The following MTDH variants were observed in gnomAD, a reference collection of about 807,000 sequenced individuals.
MTDH encodes the protein protein LYRIC.
MTDH carries 34 observed loss-of-function variants against 72.7 expected under a neutral mutation model. The observed-to-expected ratio is 0.47, with a 90% CI of 0.36 to 0.62. The LOEUF is 0.62. Ranked by LOEUF, MTDH falls within the 20% of genes least tolerant of loss-of-function variation. The probability of loss-of-function intolerance (pLI) is 0.00; values close to 1 mark genes in which losing one functional copy is unlikely to be tolerated. For missense variants in MTDH, 677 were observed against 699.4 expected, an observed-to-expected ratio of 0.97 and a Z score of 0.36; for synonymous variants, 266 against 268.9, an observed-to-expected ratio of 0.99 and a Z score of 0.10.
chr8:97,705,773 A>T (rs1358722674), intron 7 of MTDH, among the ~76,000 whole-genome samples: 1 of 152,228 alleles, frequency 6.6e-6, no homozygotes, highest in Non-Finnish European at 1.5e-5. Flanking sequence ...CTATAAGTAG[A>T]TTTACAGGAA....
Position 97,727,567 on chromosome 8 carries a change from G to C in MTDH, c.*2897G>C, listed in dbSNP as rs947226838. ...TCAACTCAGAAAGCACTAAAATCTA[G>C]GTGGTGATTCAGGGAGGAGCAGGGG... is the stretch of plus-strand genomic sequence containing the variant. On this transcript the variant is annotated 3_prime_UTR_variant, in exon 12 of 12. Coordinates refer to ENST00000336273, the MANE Select transcript of MTDH (RefSeq NM_178812.4). The C allele has an allele frequency of 2.6e-5, 4 of 151,898 alleles. No individual in the cohort carries two copies. The highest frequency in any genetic ancestry group is 3.4e-3 in the Middle Eastern group (1 of 292). 9.4% of individuals were successfully genotyped at this position (151,898 alleles called of 1,614,324 possible).
intron 2 of MTDH, among the ~76,000 whole-genome samples, chr8:97,675,780 G>A (rs1422195249): frequency 2.7e-5 from 4 of 146,962 alleles, no homozygotes; most frequent in Non-Finnish European, 6.0e-5. Flanking sequence ...GCTGAGGTGA[G>A]AGGATGGCTT....
intron 11 of MTDH, 45 bp from the exon 12 acceptor site, chr8:97,724,555 C>T (rs1477071928): frequency 1.5e-6 from 2 of 1,325,946 alleles, no homozygotes; most frequent in Admixed American, 2.3e-5. Context: ...CAGTATTTAC[C>T]ATCCTCCTAA....
intron 1 of MTDH, 84 bp downstream of exon 1, chr8:97,644,971 C>A: frequency 7.0e-7 from 1 of 1,424,096 alleles, no homozygotes; most frequent in Non-Finnish European, 9.2e-7. Context: ...GCGCCCCAGC[C>A]GGGAAGGAAA....
rs182218548 is a variant in MTDH, at chr8:97,726,346, G to C, written c.*1676G>C. 1 of 152,682 alleles carries C rather than the reference G, an allele frequency of 6.5e-6. No individual in the cohort carries two copies. The highest frequency in any genetic ancestry group is 1.9e-4 in the East Asian group (1 of 5,192). The allele number at this position is 152,682 out of a possible 1,614,324, so 9.5% of individuals were successfully genotyped here. ...TGTTTTTTATTTGCTTCAATATGGG[G>C]GTAGATAATAGCTAAAGAGCCAAGG... On this transcript the variant is annotated 3_prime_UTR_variant, in exon 12 of 12. Transcript: ENST00000336273.
chr8:97,659,288 A>G (rs999195083), intron 1 of MTDH, among the ~76,000 whole-genome samples: 2 of 143,870 alleles, frequency 1.4e-5, no homozygotes, highest in East Asian at 2.3e-4. Context: ...CTTCCCCCAT[A>G]TGCATAAATA....
Position 97,689,690 on chromosome 8 carries a change from C to T in MTDH, c.811+587C>T, listed in dbSNP as rs116019957. ...ATAAAATTGGAAATGAAAAAAGCAC[C>T]TTCTTCTTTCAGGCCTTTTTTTTTT... On this transcript the variant is annotated intron_variant, in intron 5 of 11. Transcript: ENST00000336273. Among the ~76,000 whole-genome samples the T allele has an allele frequency of 8.3e-3, 1,153 of 138,712 alleles. 22 individuals carry two copies. The highest frequency in any genetic ancestry group is 0.079 in the South Asian group (347 of 4,420). The allele number at this position is 138,712 out of a possible 152,430, so 91.0% of individuals were successfully genotyped here. A position where few individuals can be genotyped will look rare whatever the true frequency, so the allele number is the denominator to read the frequency against.
At chr8:97,688,048 C>G (rs1012269859) in intron 4 of MTDH, among the ~76,000 whole-genome samples, 1 of 152,130 alleles carries the variant, frequency 6.6e-6, no homozygotes, top group African/African-American at 2.4e-5. Flanking sequence ...ATCACCCCAC[C>G]TTTTTGAGAA....
At chr8:97,681,211 A>T (rs1255080301) in intron 2 of MTDH, among the ~76,000 whole-genome samples, 1 of 152,114 alleles carries the variant, frequency 6.6e-6, no homozygotes. Context: ...TCACTCCAGC[A>T]CTTTGTTCTG....
intron 2 of MTDH, among the ~76,000 whole-genome samples, chr8:97,678,563 C>G (rs899984402): frequency 1.4e-5 from 2 of 145,392 alleles, no homozygotes; most frequent in African/African-American, 5.1e-5. Context: ...CCCTCTTTCT[C>G]TCTCTGTTTC....
At chr8:97,704,322 T>A (rs1814258957) in intron 7 of MTDH, among the ~76,000 whole-genome samples, 1 of 152,258 alleles carries the variant, frequency 6.6e-6, no homozygotes, top group African/African-American at 2.4e-5. Context: ...CTATCTCTAG[T>A]ACCTACCTAG....
At chr8:97,662,405 A>C (rs1033196566) in intron 2 of MTDH, among the ~76,000 whole-genome samples, 4 of 151,794 alleles carry the variant, frequency 2.6e-5, no homozygotes, top group Non-Finnish European at 5.9e-5. Flanking sequence ...AAAACAAACA[A>C]AAACAAAACA....
At chr8:97,699,378 A>G (rs933124376) in intron 6 of MTDH, among the ~76,000 whole-genome samples, 1 of 152,186 alleles carries the variant, frequency 6.6e-6, no homozygotes, top group African/African-American at 2.4e-5. Flanking sequence ...TTGAGGCTGC[A>G]GTGAGCCACG....
In MTDH at chr8:97,724,597, T is replaced by C; in HGVS notation, c.1679-3T>C. ...TCTTCGTTTTCCCCCTTTTCTTTTT[T>C]AGCCAAGTCTGAAACTAGCTGGGAA... is the stretch of plus-strand genomic sequence containing the variant. On this transcript the variant is annotated splice_region_variant and splice_polypyrimidine_tract_variant and intron_variant, in intron 11 of 11. Coordinates refer to ENST00000336273, the MANE Select transcript of MTDH (RefSeq NM_178812.4). 1 of 1,580,990 alleles carries C rather than the reference T, an allele frequency of 6.3e-7. No individual in the cohort carries two copies. Among genetic ancestry groups the C allele is most frequent in the Non-Finnish European group, 8.5e-7 (1 of 1,171,310 alleles).
At chr8:97,678,884 T>C (rs1047054955) in intron 2 of MTDH, among the ~76,000 whole-genome samples, 5 of 152,198 alleles carry the variant, frequency 3.3e-5, no homozygotes, top group African/African-American at 4.8e-5. Flanking sequence ...CTTAACAAGA[T>C]GTCAGAAAAT....
Position 97,728,231 on chromosome 8 carries a change from T to C in MTDH, c.*3561T>C, listed in dbSNP as rs1213520116. On this transcript the variant is annotated 3_prime_UTR_variant, in exon 12 of 12. Transcript: ENST00000336273. Reference sequence around the variant, plus strand: ...GCAAATATGTTACTCATAAGATGCATTGAGTATTGTAAATAAAACAAACCA... The same window carrying C: ...GCAAATATGTTACTCATAAGATGCACTGAGTATTGTAAATAAAACAAACCA... 6.6e-6 allele frequency: 1 copy of C among 152,240 alleles called. No individual in the cohort carries two copies. Among genetic ancestry groups the C allele is most frequent in the African/African-American group, 2.4e-5 (1 of 41,472 alleles). 9.4% of individuals were successfully genotyped at this position (152,240 alleles called of 1,614,324 possible).
intron 9 of MTDH, 122 bp from the exon 10 acceptor site, chr8:97,718,927 C>T: frequency 1.2e-6 from 1 of 849,108 alleles, no homozygotes; most frequent in Non-Finnish European, 1.8e-6. Flanking sequence ...AATTCCTGAG[C>T]TCAAGCAATT....
chr8:97,676,809 C>T (rs2130971479), intron 2 of MTDH, among the ~76,000 whole-genome samples: 1 of 151,810 alleles, frequency 6.6e-6, no homozygotes, highest in South Asian at 2.1e-4. Context: ...CAAGACCATC[C>T]TGGCTAACAT....
chr8:97,699,787 C>T lies in MTDH; in HGVS notation c.1082C>T (p.Thr361Ile). 1 of 1,613,264 alleles carries T rather than the reference C, an allele frequency of 6.2e-7. No individual in the cohort carries two copies. The highest frequency in any genetic ancestry group is 8.5e-7 in the Non-Finnish European group (1 of 1,179,386). ...GCTGAGCCAGTTTCTCAGTCTACCACTTCTGATTATCAGTGGGATGTTAGC... is the reference window on the plus strand; with the variant it reads ...GCTGAGCCAGTTTCTCAGTCTACCATTTCTGATTATCAGTGGGATGTTAGC... ...STAEPVSQST[T>I]SDYQWDVSRN... is the part of the protein sequence containing the mutation. The change falls in exon 7 of 12, where the codon ACT (threonine) becomes ATT (isoleucine). Residue 361 changes from threonine to isoleucine, a missense_variant. Thr to Ile is a moderately conservative substitution (Grantham distance 89). This residue lies in a region of MTDH where 467 missense variants were observed against 469.1 expected (regional missense o/e 1.00). Coordinates refer to ENST00000336273, the MANE Select transcript of MTDH (RefSeq NM_178812.4).
Sources: allele counts gnomAD v4.1 joint callset (sites outside exome capture counted in the v4.1 genomes callset), GRCh38; gene constraint gnomAD v4.1.1; regional missense constraint gnomAD v4.1.1; transcripts MANE v1.5; gene names NCBI Gene and HGNC (gene_info 2026-07-23, HGNC 2026-07-21).